The following HDAC9 variants were observed in gnomAD, a reference collection of about 807,000 sequenced individuals.
HDAC9 encodes the protein MEF-2 interacting transcription repressor (MITR) protein.
HDAC9 carries 41 observed loss-of-function variants against 139.4 expected under a neutral mutation model. That is an observed-to-expected ratio of 0.29 (90% confidence interval 0.23 to 0.38). The LOEUF (loss-of-function observed/expected upper bound fraction) is 0.38, where lower values mean the gene tolerates loss of function less well. Among genes scored for constraint, HDAC9 ranks in the 10% least tolerant of loss-of-function variants. The pLI is 1.00. For missense variants in HDAC9, 1,147 were observed against 1,297.0 expected, an observed-to-expected ratio of 0.88 and a Z score of 1.78; for synonymous variants, 517 against 476.2, an observed-to-expected ratio of 1.09 and a Z score of -1.12.
At chr7:18,651,384 C>A (rs887631285) in intron 11 of HDAC9, among the ~76,000 whole-genome samples, 1 of 152,084 alleles carries the variant, frequency 6.6e-6, no homozygotes, top group African/African-American at 2.4e-5. Flanking sequence ...TTAAATATAT[C>A]TTCTTTTATT....
chr7:18,659,971 A>C (rs554535184), intron 11 of HDAC9, among the ~76,000 whole-genome samples: 4 of 152,286 alleles, frequency 2.6e-5, no homozygotes, highest in South Asian at 2.1e-4. Context: ...CCACTCAGTG[A>C]CAGTACAAAT....
chr7:18,251,895 A>G (rs1333496872), intron 2 of HDAC9, among the ~76,000 whole-genome samples: 1 of 152,178 alleles, frequency 6.6e-6, no homozygotes, highest in Non-Finnish European at 1.5e-5. Flanking sequence ...TGGTTAGATG[A>G]GTTAAAGGAG....
At chr7:18,577,932 TA>T (rs1374195092) in intron 2 of HDAC9, among the ~76,000 whole-genome samples, 1 of 152,024 alleles carries the variant, frequency 6.6e-6, no homozygotes, top group Non-Finnish European at 1.5e-5. Flanking sequence ...AAGGACTTGT[TA>T]AAAAAAATTT....
At chr7:18,903,229 C>G (rs535833929) in intron 22 of HDAC9, among the ~76,000 whole-genome samples, 1 of 152,184 alleles carries the variant, frequency 6.6e-6, no homozygotes, top group African/African-American at 2.4e-5. Flanking sequence ...TGACTTGGCC[C>G]TTCTAAGCAA....
At position 19,001,510 on chromosome 7, in the gene HDAC9, G is replaced by A. The variant is rs1343757510; in HGVS notation, c.*5448G>A. ...GATCTTGCAGCAATATTTGGCTATT[G>A]GTTTTATTAACTTAAAATTCAACAG... On this transcript the variant is annotated 3_prime_UTR_variant, in exon 26 of 26. Transcript: ENST00000686413. 1 of 150,320 alleles carries A rather than the reference G, an allele frequency of 6.7e-6. No individual in the cohort carries two copies. The highest frequency in any genetic ancestry group is 1.5e-5 in the Non-Finnish European group (1 of 67,698). The allele number at this position is 150,320 out of a possible 1,614,324, so 9.3% of individuals were successfully genotyped here.
intron 22 of HDAC9, chr7:18,899,204 G>C (rs908151805): frequency 3.9e-5 from 6 of 152,014 alleles, no homozygotes; most frequent in African/African-American, 1.2e-4. Flanking sequence ...TAATAAAAAT[G>C]CTGTTTGGGT....
intron 20 of HDAC9, 137 bp from the exon 21 acceptor site, chr7:18,835,763 G>A: frequency 9.8e-7 from 1 of 1,016,128 alleles, no homozygotes. Context: ...AGCACTGTTT[G>A]TCAGGGAAGG....
chr7:18,653,245 A>AAAAAAAAAAAAAAAAG, intron 11 of HDAC9, among the ~76,000 whole-genome samples: 1 of 151,652 alleles, frequency 6.6e-6, no homozygotes, highest in Non-Finnish European at 1.5e-5. Context: ...ATCTCAAAAA[A>AAAAAAAAAAAAAAAAG]AAAAAAAAAA....
chr7:18,453,323 A>T (rs1044827225), intron 1 of HDAC9, among the ~76,000 whole-genome samples: 1 of 152,180 alleles, frequency 6.6e-6, no homozygotes, highest in Non-Finnish European at 1.5e-5. Context: ...TGATTAAAAA[A>T]AGTGGGGGGA....
intron 1 of HDAC9, among the ~76,000 whole-genome samples, chr7:18,467,747 A>G (rs374692256): frequency 4.6e-5 from 7 of 152,332 alleles, no homozygotes; most frequent in African/African-American, 1.7e-4. Flanking sequence ...CCACGTTGGC[A>G]CATTACTGTT....
intron 22 of HDAC9, among the ~76,000 whole-genome samples, chr7:18,933,283 A>G (rs1348461313): frequency 1.3e-5 from 2 of 152,172 alleles, no homozygotes; most frequent in African/African-American, 4.8e-5. Flanking sequence ...GAAGGCAACA[A>G]GAGAACTAGA....
At chr7:18,502,724 G>A (rs1798718941) in intron 2 of HDAC9, 1 of 152,040 alleles carries the variant, frequency 6.6e-6, no homozygotes, top group African/African-American at 2.4e-5. Context: ...ATTGTTAGAA[G>A]AAGCCCCCTA....
At chr7:18,162,233 C>T in exon 2 of HDAC9, 1 of 1,126,158 alleles carries the variant, frequency 8.9e-7, no homozygotes. Flanking sequence ...TTCTAGGTTT[C>T]TCCTCTGCCA....
At chr7:18,664,534 C>G (rs140944023) in intron 11 of HDAC9, among the ~76,000 whole-genome samples, 148 of 152,202 alleles carry the variant, frequency 9.7e-4, no homozygotes, top group African/African-American at 3.2e-3. Flanking sequence ...CTCCACTAGC[C>G]TTTTGGTGAC....
rs139252008 is a variant in HDAC9, at chr7:18,134,989, T to C, written c.-96-27240T>C. ...TATTCACTATAGATTTTCTTATATA[T>C]GGTTTGTATCTAAACAGATCTAATT... On this transcript the variant is annotated intron_variant, in intron 1 of 12. Transcript: ENST00000417496. 1.5e-3 allele frequency among the ~76,000 whole-genome samples: 226 copies of C among 152,318 alleles called. 2 individuals are homozygous for C. The highest frequency in any genetic ancestry group is 2.2e-3 in the Non-Finnish European group (147 of 68,024).
intron 2 of HDAC9, among the ~76,000 whole-genome samples, chr7:18,200,537 C>A (rs1029363578): frequency 6.6e-6 from 1 of 152,120 alleles, no homozygotes; most frequent in Non-Finnish European, 1.5e-5. Flanking sequence ...TTTGGCCCAA[C>A]CAATCTATAG....
chr7:18,685,717 G>A (rs1047553661), intron 12 of HDAC9, among the ~76,000 whole-genome samples: 1 of 151,932 alleles, frequency 6.6e-6, no homozygotes, highest in Admixed American at 6.6e-5. Flanking sequence ...CTCCTAAGGG[G>A]GGTGGGGTGA....
rs150103482 is a variant in HDAC9, at chr7:18,361,878, C to T, written c.-42+71363C>T. Among the ~76,000 whole-genome samples, 799 of 152,182 alleles carry T rather than the reference C, an allele frequency of 5.3e-3. 26 individuals are homozygous for T. The highest frequency in any genetic ancestry group is 0.048 in the Admixed American group (727 of 15,274). The stretch of plus-strand genomic sequence containing the variant: ...TTACTGATACACTCAGGAGACTCAC[C>T]GTCAGTACATGATATGCTATTTTCC... On this transcript the variant is annotated intron_variant, in intron 1 of 3. Coordinates refer to the HDAC9 transcript ENST00000413509.
At chr7:18,920,516 A>G (rs1369023555) in intron 22 of HDAC9, among the ~76,000 whole-genome samples, 2 of 152,098 alleles carry the variant, frequency 1.3e-5, no homozygotes, top group Non-Finnish European at 2.9e-5. Flanking sequence ...CCTGACCAGA[A>G]CTTCCAACAC....
Sources: allele counts gnomAD v4.1 joint callset (sites outside exome capture counted in the v4.1 genomes callset), GRCh38; gene constraint gnomAD v4.1.1; transcripts MANE v1.5; gene names NCBI Gene and HGNC (gene_info 2026-07-23, HGNC 2026-07-21).